FSTL5: variants seen among roughly 807,000 people sequenced by gnomAD.
FSTL5 encodes the protein follistatin like 5, also known as follistatin-related protein 5.
Under a neutral mutation model 89.1 loss-of-function variants are expected in FSTL5, and 62 were observed. The ratio of observed to expected loss-of-function variants is 0.70; its 90% CI spans 0.57 to 0.86. The LOEUF (loss-of-function observed/expected upper bound fraction) is 0.86, where lower values mean the gene tolerates loss of function less well. Among genes scored for constraint, FSTL5 ranks in the 40% least tolerant of loss-of-function variants. The pLI, the probability that FSTL5 is intolerant of heterozygous loss-of-function variation, is 0.00. For synonymous variants in FSTL5, 383 were observed against 346.2 expected, an observed-to-expected ratio of 1.11 and a Z score of -1.18; for missense variants, 1,057 against 1,001.6, an observed-to-expected ratio of 1.06 and a Z score of -0.75.
At chr4:161,501,811 C>T (rs1730303653) in intron 11 of FSTL5, among the ~76,000 whole-genome samples, 1 of 151,842 alleles carries the variant, frequency 6.6e-6, no homozygotes, top group African/African-American at 2.4e-5. Flanking sequence ...ATATTACATG[C>T]ACAAAAGAGA....
rs536911701 is a variant in FSTL5 at position 161,741,481 on chromosome 4, T to C, written c.727+17930A>G. Among the ~76,000 whole-genome samples the C allele has an allele frequency of 1.4e-4, 21 of 151,956 alleles. No individual in the cohort carries two copies. The South Asian group carries it at 4.4e-3, about 32-fold the overall frequency. On this transcript the variant is annotated intron_variant, in intron 6 of 15. Transcript: ENST00000306100. ...CCCTGGTACTGACTCCTTGATTTTTTACCTTATTCTGACCTAAAGGCCTCT... is the reference window on the plus strand; with the variant it reads ...CCCTGGTACTGACTCCTTGATTTTTCACCTTATTCTGACCTAAAGGCCTCT...
chr4:161,448,509 A>C (rs1041931677), intron 15 of FSTL5, among the ~76,000 whole-genome samples: 2 of 152,266 alleles, frequency 1.3e-5, no homozygotes, highest in East Asian at 3.9e-4. Flanking sequence ...ATATACTTTC[A>C]CTTTCACAGA....
intron 8 of FSTL5, among the ~76,000 whole-genome samples, chr4:161,555,415 G>T (rs1256678090): frequency 1.3e-5 from 2 of 151,336 alleles, no homozygotes; most frequent in South Asian, 4.1e-4. Context: ...AGAAAAGAAA[G>T]AATAAATGAG....
chr4:162,047,806 C>G (rs1738243685), intron 2 of FSTL5, among the ~76,000 whole-genome samples: 2 of 151,794 alleles, frequency 1.3e-5, no homozygotes, highest in East Asian at 3.9e-4. Context: ...GCCCGGGCAA[C>G]AAGAGAGAAA....
At chr4:161,869,331 T>C (rs1012688280) in intron 4 of FSTL5, among the ~76,000 whole-genome samples, 5 of 152,190 alleles carry the variant, frequency 3.3e-5, no homozygotes, top group African/African-American at 1.2e-4. Context: ...AGAGAAAGTA[T>C]ATTAAAGTTG....
At chr4:162,146,752 T>G (rs1419747462) in intron 1 of FSTL5, among the ~76,000 whole-genome samples, 2 of 117,846 alleles carry the variant, frequency 1.7e-5, no homozygotes, top group Non-Finnish European at 2.0e-5. Context: ...TCTTTCTCCT[T>G]TCTCTCTCTC....
At chr4:162,112,774 ATCACAC>A (rs1177222096) in intron 1 of FSTL5, among the ~76,000 whole-genome samples, 2 of 71,454 alleles carry the variant, frequency 2.8e-5, no homozygotes, top group African/African-American at 1.3e-4. Context: ...AACCGACACA[ATCACAC>A]ACACACACAC....
chr4:161,614,089 A>G (rs895313754), intron 7 of FSTL5, among the ~76,000 whole-genome samples: 18 of 152,162 alleles, frequency 1.2e-4, no homozygotes, highest in African/African-American at 4.3e-4. Context: ...AATTTATTTA[A>G]TCTCCCTAAA....
intron 15 of FSTL5, among the ~76,000 whole-genome samples, chr4:161,449,916 G>A (rs912830655): frequency 3.3e-5 from 5 of 152,164 alleles, no homozygotes; most frequent in South Asian, 4.2e-4. Context: ...TTCGTGCTAC[G>A]TCAAAAGCTC....
chr4:161,572,085 G>A (rs1043624108), intron 8 of FSTL5, among the ~76,000 whole-genome samples: 6 of 151,904 alleles, frequency 3.9e-5, no homozygotes, highest in African/African-American at 1.5e-4. Context: ...CGAGGCGGGT[G>A]GATCACCTGG....
At chr4:161,442,798 G>A (rs953209181) in intron 15 of FSTL5, among the ~76,000 whole-genome samples, 2 of 152,008 alleles carry the variant, frequency 1.3e-5, no homozygotes, top group African/African-American at 4.8e-5. Flanking sequence ...CCAAACTAGT[G>A]TAAAGTGGAT....
intron 11 of FSTL5, among the ~76,000 whole-genome samples, chr4:161,507,724 T>A (rs1480888402): frequency 1.3e-5 from 2 of 151,960 alleles, no homozygotes; most frequent in African/African-American, 4.8e-5. Context: ...ATTGGTAAGA[T>A]AATACATATT....
intron 10 of FSTL5, among the ~76,000 whole-genome samples, chr4:161,528,396 A>C (rs2126526693): frequency 7.0e-6 from 1 of 143,720 alleles, no homozygotes; most frequent in East Asian, 2.4e-4. Context: ...TAAAGCAAAA[A>C]AGGAGGAAGA....
At chr4:161,488,716 C>T (rs575799818) in intron 12 of FSTL5, among the ~76,000 whole-genome samples, 4 of 152,208 alleles carry the variant, frequency 2.6e-5, no homozygotes, top group Non-Finnish European at 5.9e-5. Flanking sequence ...AAAGTTACCA[C>T]TTATTTTCAT....
chr4:162,070,540 T>C (rs1376525585), intron 2 of FSTL5, among the ~76,000 whole-genome samples: 1 of 151,844 alleles, frequency 6.6e-6, no homozygotes, highest in Non-Finnish European at 1.5e-5. Context: ...TTGTGGGATA[T>C]AGGAGTCTAG....
chr4:161,832,956 CT>C (rs1730898061), intron 4 of FSTL5, among the ~76,000 whole-genome samples: 1 of 149,190 alleles, frequency 6.7e-6, no homozygotes, highest in East Asian at 2.0e-4. Flanking sequence ...TTTTCTAGTT[CT>C]TTTAATTGTG....
At chr4:162,088,422 C>CA (rs1730407419) in intron 2 of FSTL5, among the ~76,000 whole-genome samples, 1 of 151,718 alleles carries the variant, frequency 6.6e-6, no homozygotes, top group Non-Finnish European at 1.5e-5. Context: ...AAATATTTCT[C>CA]AAAAAAGAGC....
At chr4:162,120,073 ACATCT>A (rs1288115891) in intron 1 of FSTL5, among the ~76,000 whole-genome samples, 1 of 152,122 alleles carries the variant, frequency 6.6e-6, no homozygotes, top group East Asian at 1.9e-4. Context: ...TTCTTCAGTG[ACATCT>A]CAGTCATTAA....
intron 7 of FSTL5, among the ~76,000 whole-genome samples, chr4:161,655,100 T>C (rs1736469926): frequency 6.6e-6 from 1 of 152,150 alleles, no homozygotes; most frequent in Non-Finnish European, 1.5e-5. Context: ...CATTATGACA[T>C]GTTGAAAGCA....
Sources: gnomAD v4.1 joint callset for allele counts (sites outside exome capture counted in the v4.1 genomes callset) on GRCh38, gnomAD v4.1.1 for gene constraint, MANE v1.5 for transcripts, NCBI Gene and HGNC (gene_info 2026-07-23, HGNC 2026-07-21) for gene names.